KAT6B: variants seen among roughly 807,000 people sequenced by gnomAD.
KAT6B encodes the protein lysine acetyltransferase 6B, also known as histone acetyltransferase KAT6B.
A neutral mutation model predicts 187.5 loss-of-function variants in KAT6B; 10 were observed. The observed-to-expected ratio is 0.05, with a 90% CI of 0.03 to 0.09. The LOEUF (loss-of-function observed/expected upper bound fraction) is 0.09. Ranked by LOEUF, KAT6B falls within the 10% of genes least tolerant of loss-of-function variation. The pLI is 1.00. For synonymous variants in KAT6B, 861 were observed against 926.8 expected (o/e 0.93, Z 1.29); for missense variants, 1,952 against 2,558.9 (o/e 0.76, Z 5.12).
intron 1 of KAT6B, among the ~76,000 whole-genome samples, chr10:74,833,092 G>A (rs1298498217): frequency 3.1e-5 from 4 of 130,742 alleles, no homozygotes; most frequent in East Asian, 2.3e-4. Context: ...CCGAGATCAC[G>A]CCATTGCACT....
At chr10:74,974,880 T>A (rs1415261854) in intron 7 of KAT6B, among the ~76,000 whole-genome samples, 1 of 151,988 alleles carries the variant, frequency 6.6e-6, no homozygotes, top group Non-Finnish European at 1.5e-5. Context: ...CTTTTTATGT[T>A]TTCTTAAAAA....
intron 3 of KAT6B, among the ~76,000 whole-genome samples, chr10:74,844,935 G>T: frequency 6.6e-6 from 1 of 152,110 alleles, no homozygotes; most frequent in East Asian, 1.9e-4. Context: ...AGGTGGTTTT[G>T]GCTGGGCAGG....
intron 3 of KAT6B, 105 bp downstream of exon 3, chr10:74,843,583 A>G: frequency 7.0e-7 from 1 of 1,422,848 alleles, no homozygotes; most frequent in Non-Finnish European, 9.8e-7. Context: ...AGTTTGATAA[A>G]ATTGAATGTT....
rs1445647312 is a variant in KAT6B at position 74,979,361 on chromosome 10, G to A, written c.2231+22G>A. On this transcript the variant is annotated intron_variant, in intron 10 of 17. Transcript: ENST00000287239. The stretch of plus-strand genomic sequence containing the variant: ...CAAGGTAATGGAATAAGTCTGGCAG[G>A]TGTATAACTTGAATGTCACATATGT... 4 of 1,477,110 alleles carry A rather than the reference G, an allele frequency of 2.7e-6. No individual in the cohort carries two copies. The South Asian group carries it at 3.4e-5, about 13-fold the overall frequency. 91.5% of individuals were successfully genotyped at this position (1,477,110 alleles called of 1,614,324 possible).
At chr10:74,856,378 C>T (rs1489332388) in intron 3 of KAT6B, among the ~76,000 whole-genome samples, 1 of 152,092 alleles carries the variant, frequency 6.6e-6, no homozygotes, top group Admixed American at 6.5e-5. Flanking sequence ...TGAGCCACTG[C>T]GCCTGGCCAA....
chr10:74,907,216 C>T (rs1377553041), intron 3 of KAT6B, among the ~76,000 whole-genome samples: 2 of 152,190 alleles, frequency 1.3e-5, no homozygotes, highest in African/African-American at 4.8e-5. Context: ...CAAACAGAAC[C>T]AGCCAAACCC....
chr10:74,955,423 A>G (rs991444462), intron 3 of KAT6B, among the ~76,000 whole-genome samples: 4 of 136,430 alleles, frequency 2.9e-5, no homozygotes, highest in African/African-American at 7.9e-5. Context: ...AGTTGTAAAG[A>G]TGAGGAAAAA....
chr10:74,837,223 G>C (rs1412359716), intron 1 of KAT6B, among the ~76,000 whole-genome samples: 1 of 152,188 alleles, frequency 6.6e-6, no homozygotes, highest in Non-Finnish European at 1.5e-5. Context: ...GATATGTTTA[G>C]AATATTTGTA....
At chr10:75,019,423 A>G (rs1185065436) in intron 13 of KAT6B, among the ~76,000 whole-genome samples, 2 of 152,220 alleles carry the variant, frequency 1.3e-5, no homozygotes, top group Non-Finnish European at 2.9e-5. Flanking sequence ...AAAATGCATC[A>G]GAGGCATTGA....
At chr10:74,982,026 T>C in intron 11 of KAT6B, 98 bp downstream of exon 11, 1 of 1,151,878 alleles carries the variant, frequency 8.7e-7, no homozygotes, top group Admixed American at 1.9e-5. Flanking sequence ...CAAAGTATAC[T>C]TAATTTTGGC....
intron 3 of KAT6B, among the ~76,000 whole-genome samples, chr10:74,866,772 A>C (rs1317952889): frequency 6.6e-6 from 1 of 152,242 alleles, no homozygotes; most frequent in African/African-American, 2.4e-5. Flanking sequence ...GGCGTTAAAC[A>C]CAATATTAGC....
At chr10:74,867,281 T>C (rs1843622007) in intron 3 of KAT6B, among the ~76,000 whole-genome samples, 1 of 152,202 alleles carries the variant, frequency 6.6e-6, no homozygotes, top group African/African-American at 2.4e-5. Context: ...TACTCTGAAG[T>C]TGCTCTTGTA....
chr10:74,893,918 A>G (rs761795515), intron 3 of KAT6B, among the ~76,000 whole-genome samples: 7 of 152,316 alleles, frequency 4.6e-5, no homozygotes, highest in South Asian at 2.1e-4. Flanking sequence ...CAAGCATACA[A>G]CTTGCCAGCA....
intron 3 of KAT6B, among the ~76,000 whole-genome samples, chr10:74,886,543 G>C (rs1196996589): frequency 6.6e-6 from 1 of 152,174 alleles, no homozygotes; most frequent in Non-Finnish European, 1.5e-5. Flanking sequence ...CAAAGATTCA[G>C]CTTCCTCTCC....
At chr10:74,987,067 C>T (rs1388472402) in intron 12 of KAT6B, among the ~76,000 whole-genome samples, 4 of 152,166 alleles carry the variant, frequency 2.6e-5, no homozygotes, top group Non-Finnish European at 5.9e-5. Flanking sequence ...GCTGTTATTT[C>T]CTACTATTCT....
chr10:74,898,146 A>G (rs139374447), intron 3 of KAT6B, among the ~76,000 whole-genome samples: 39 of 152,250 alleles, frequency 2.6e-4, no homozygotes, highest in Non-Finnish European at 4.9e-4. Context: ...CAAACGTGAA[A>G]GGCATTGGTA....
At chr10:74,844,669 A>G (rs912006798) in intron 3 of KAT6B, among the ~76,000 whole-genome samples, 1 of 152,158 alleles carries the variant, frequency 6.6e-6, no homozygotes, top group Non-Finnish European at 1.5e-5. Flanking sequence ...TTATTTCTAT[A>G]GTATTTATAA....
chr10:74,975,622 A>G lies in KAT6B; in HGVS notation c.1285A>G (p.Lys429Glu). The G allele has an allele frequency of 6.2e-7, 1 of 1,614,148 alleles. No individual in the cohort carries two copies. The highest frequency in any genetic ancestry group is 2.2e-5 in the East Asian group (1 of 44,882). ...TTCTGCCTCTACACTTAAAGTTAAC[A>G]AGAAAACCAAAGGGCTCATTGATGG... ...YISASTLKVNKKTKGLIDGLT... is the reference protein window; with the variant it reads ...YISASTLKVNEKTKGLIDGLT... Residue 429 changes from lysine (K) to glutamate (E), a missense_variant, in exon 8 of 18, where the codon AAG becomes GAG. By Grantham distance (56) the Lys-to-Glu change is moderately conservative. Around this residue, in one of 9 missense-constraint regions of KAT6B, gnomAD observed 417 missense variants for 508.9 expected, o/e 0.82. Transcript: ENST00000287239.
At position 74,826,639 on chromosome 10, in the gene KAT6B, G is replaced by C. The variant is rs1257816015; in HGVS notation, c.-475G>C. On this transcript the variant is annotated 5_prime_UTR_variant, in exon 1 of 18. Transcript: ENST00000287239. ...TTCATGTCAACGACAACAACAGGGG[G>C]ACACAAAATGGCGGCGGCTTAGCTC... 1 of 153,646 alleles carries C rather than the reference G, an allele frequency of 6.5e-6. No homozygotes were observed. Among genetic ancestry groups the C allele is most frequent in the Non-Finnish European group, 1.5e-5 (1 of 68,288 alleles). The allele number at this position is 153,646 out of a possible 1,614,324, so 9.5% of individuals were successfully genotyped here.
Sources: gnomAD v4.1 joint callset for allele counts (sites outside exome capture counted in the v4.1 genomes callset) on GRCh38, gnomAD v4.1.1 for gene constraint, gnomAD v4.1.1 regional missense constraint, MANE v1.5 for transcripts, NCBI Gene and HGNC (gene_info 2026-07-23, HGNC 2026-07-21) for gene names.